Variants in PCDHGA9 observed in about 807,000 individuals in gnomAD.
PCDHGA9 encodes protocadherin gamma subfamily A, 9, also known as protocadherin gamma-A9.
A neutral mutation model predicts 62.5 loss-of-function variants in PCDHGA9; 37 were observed. That is an observed-to-expected ratio of 0.59 (90% CI 0.46 to 0.78). PCDHGA9 has a LOEUF of 0.78. PCDHGA9 is among the 30% of genes least tolerant of loss of function. PCDHGA9 has a pLI of 0.00. For synonymous variants in PCDHGA9, 459 were observed against 484.6 expected, an observed-to-expected ratio of 0.95 and a Z score of 0.69; for missense variants, 1,138 against 1,166.2, an observed-to-expected ratio of 0.98 and a Z score of 0.35.
rs776975666 is a variant in PCDHGA9 at position 141,432,850 on chromosome 5, G to A, written c.2424+27474G>A. The A allele has an allele frequency of 6.2e-7, 1 of 1,614,170 alleles. No homozygotes were observed. The highest frequency in any genetic ancestry group is 1.1e-5 in the South Asian group (1 of 91,088). ...TCACTCTGTACCTGGTGGTAGCGGT[G>A]GCCGCGGTCTCCTGCGTCTTCCTGG... is the stretch of plus-strand genomic sequence containing the variant. On this transcript the variant is annotated intron_variant, in intron 1 of 3. Coordinates refer to ENST00000573521, the MANE Select transcript of PCDHGA9 (RefSeq NM_018921.3). The surrounding 1 kb of genome is among the most constrained non-coding windows in gnomAD (Gnocchi z 6.0).
Position 141,476,369 on chromosome 5 carries a change from G to A in PCDHGA9, c.2425-18438G>A, listed in dbSNP as rs1178923246. 1.9e-6 allele frequency: 3 copies of A among 1,614,098 alleles called. No homozygotes were observed. The African/African-American group carries it at 4.0e-5, about 22-fold the overall frequency. ...CTTTGAGGTGAACCGGGAGACCGGA[G>A]AGATGTTTGTGAACGACCGTCTGGA... On this transcript the variant is annotated intron_variant, in intron 1 of 3. Transcript: ENST00000573521. This position sits in a 1 kb window ranked among gnomAD's most constrained non-coding sequence, Gnocchi z 7.6.
At chr5:141,430,774 A>G (rs1269572813) in intron 1 of PCDHGA9, 11 of 1,508,872 alleles carry the variant, frequency 7.3e-6, no homozygotes, top group Non-Finnish European at 8.8e-7. Context: ...TTCCTGCGCG[A>G]CTGCACCGGG....
intron 1 of PCDHGA9, chr5:141,441,809 C>A: frequency 2.7e-6 from 1 of 373,176 alleles, no homozygotes; most frequent in East Asian, 9.0e-5. Context: ...GGGTGCTGTA[C>A]CCCAGCTCTG....
chr5:141,509,602 C>T (rs921950654), intron 3 of PCDHGA9, among the ~76,000 whole-genome samples: 8 of 152,194 alleles, frequency 5.3e-5, no homozygotes, highest in Non-Finnish European at 8.8e-5. Context: ...TTCCGAGAGG[C>T]TGCATTCTAA....
At chr5:141,465,742 A>G (rs1425097489) in intron 1 of PCDHGA9, among the ~76,000 whole-genome samples, 1 of 151,214 alleles carries the variant, frequency 6.6e-6, no homozygotes, top group Non-Finnish European at 1.5e-5. Flanking sequence ...TGTTTTCAGG[A>G]TCAGACTGGT....
chr5:141,421,597 AT>A (rs2096587022), intron 1 of PCDHGA9: 1 of 1,613,878 alleles, frequency 6.2e-7, no homozygotes, highest in Non-Finnish European at 8.5e-7. Flanking sequence ...GGAGGTGGAA[AT>A]AATAGATATT....
intron 1 of PCDHGA9, 143 bp from the exon 2 acceptor site, chr5:141,494,664 A>T: frequency 6.7e-7 from 1 of 1,500,298 alleles, no homozygotes; most frequent in Non-Finnish European, 8.9e-7. Flanking sequence ...GTCTTTGGAG[A>T]TGAGTCCACC....
chr5:141,495,077 C>T (rs1237589417), intron 2 of PCDHGA9, among the ~76,000 whole-genome samples: 4 of 152,180 alleles, frequency 2.6e-5, no homozygotes, highest in African/African-American at 9.7e-5. Flanking sequence ...AATTCACATG[C>T]TTGCCCCTTC....
At chr5:141,456,647 C>G (rs773458307) in intron 1 of PCDHGA9, among the ~76,000 whole-genome samples, 2 of 152,152 alleles carry the variant, frequency 1.3e-5, no homozygotes, top group African/African-American at 4.8e-5. Context: ...AGGTGTTAAT[C>G]CCAAAGAAGC....
chr5:141,449,994 G>T (rs2098661673), intron 1 of PCDHGA9, among the ~76,000 whole-genome samples: 2 of 131,786 alleles, frequency 1.5e-5, no homozygotes, highest in Admixed American at 7.9e-5. Context: ...ATTGCATTTA[G>T]TTGCCATGTC....
At position 141,476,124 on chromosome 5, in the gene PCDHGA9, C is replaced by T. The variant is rs1187643558; in HGVS notation, c.2425-18683C>T. 4 of 1,603,236 alleles carry T rather than the reference C, an allele frequency of 2.5e-6. No homozygotes were observed. Among genetic ancestry groups the T allele is most frequent in the Non-Finnish European group, 3.4e-6 (4 of 1,176,388 alleles). ...GAACTGCTTTTGAGTGAGATGGTCCCAGAGGCCTGGAGGAGCGGACTGGTA... is the reference window on the plus strand; with the variant it reads ...GAACTGCTTTTGAGTGAGATGGTCCTAGAGGCCTGGAGGAGCGGACTGGTA... On this transcript the variant is annotated intron_variant, in intron 1 of 3. Transcript: ENST00000573521. This position sits in a 1 kb window ranked among gnomAD's most constrained non-coding sequence, Gnocchi z 7.6.
chr5:141,417,211 T>C (rs1027777607), intron 1 of PCDHGA9: 1 of 152,174 alleles, frequency 6.6e-6, no homozygotes, highest in Admixed American at 6.5e-5. Context: ...TAGGCTAGAA[T>C]TGAAGACAAA....
intron 1 of PCDHGA9, among the ~76,000 whole-genome samples, chr5:141,454,796 A>AT (rs61612330): frequency 0.026 from 2,045 of 77,400 alleles, 387 homozygotes; most frequent in East Asian, 0.04. Flanking sequence ...CATGGTTCTA[A>AT]TTTTTTTTTT....
At position 141,405,145 on chromosome 5, in the gene PCDHGA9, G is replaced by T. The variant is rs772542898; in HGVS notation, c.2193G>T (p.Gly731=). 6.2e-7 allele frequency: 1 copy of T among 1,614,070 alleles called. No homozygotes were observed. The highest frequency in any genetic ancestry group is 8.5e-7 in the Non-Finnish European group (1 of 1,179,926). The change falls in exon 1 of 4, where the codon GGG becomes GGT. Residue 731 remains glycine (G), a synonymous_variant. Transcript: ENST00000573521. ...ATCTGCTGCGGGCTACCAGTGATGGGTTGGCTGGTGTGCCCACCTCACACT... is the reference window on the plus strand; with the variant it reads ...ATCTGCTGCGGGCTACCAGTGATGGTTTGGCTGGTGTGCCCACCTCACACT... The part of the protein sequence containing the change: ...SSHLLRATSD[G]LAGVPTSHFV...
rs1303990777 is a variant in PCDHGA9 at position 141,403,530 on chromosome 5, AG to A, written c.579del (p.Glu193AspfsTer38). ...GGAGACAATGGAGCCATAAACCCAGAGCTGGTGCTGGAGCGCGCCCTGGACA... is the reference window on the plus strand; with the variant it reads ...GGAGACAATGGAGCCATAAACCCAGACTGGTGCTGGAGCGCGCCCTGGACA... Reference protein sequence around the residue: ...QTGDNGAINPELVLERALDRE... With the variant: ...QTGDNGAINPXLVLERALDRE... On this transcript the variant is annotated frameshift_variant, in exon 1 of 4. Coordinates refer to ENST00000573521, the MANE Select transcript of PCDHGA9 (RefSeq NM_018921.3). LOFTEE classifies it high-confidence loss of function. The A allele has an allele frequency of 1.2e-6, 2 of 1,613,988 alleles. No individual in the cohort carries two copies.
chr5:141,461,371 G>C (rs755281402), intron 1 of PCDHGA9, among the ~76,000 whole-genome samples: 1 of 152,084 alleles, frequency 6.6e-6, no homozygotes, highest in Non-Finnish European at 1.5e-5. Context: ...GTTTTAATTT[G>C]CATTTTCCTG....
chr5:141,423,488 ATTC>A, intron 1 of PCDHGA9: 1 of 1,613,954 alleles, frequency 6.2e-7, no homozygotes, highest in Non-Finnish European at 8.5e-7. Flanking sequence ...CTGCAAACCT[ATTC>A]CCACGAGGTC....
chr5:141,497,702 G>A (rs904199928), intron 2 of PCDHGA9, among the ~76,000 whole-genome samples: 16 of 152,054 alleles, frequency 1.1e-4, no homozygotes, highest in African/African-American at 3.9e-4. Context: ...ACCACACCCA[G>A]CTCATTTTTG....
Position 141,490,965 on chromosome 5 carries a change from C to G in PCDHGA9, c.2425-3842C>G. On this transcript the variant is annotated intron_variant, in intron 1 of 3. Coordinates refer to ENST00000573521, the MANE Select transcript of PCDHGA9 (RefSeq NM_018921.3). This position sits in a 1 kb window ranked among gnomAD's most constrained non-coding sequence, Gnocchi z 5.4. ...CACGGCCAGACTGGGAACACTCAGC[C>G]CCCCAGCGTCTCCCTCGCTCTGCTC... is the stretch of plus-strand genomic sequence containing the variant. 5 of 1,613,856 alleles carry G rather than the reference C, an allele frequency of 3.1e-6. No homozygotes were observed. The highest frequency in any genetic ancestry group is 3.3e-4 in the Middle Eastern group (2 of 6,062).
Sources: gnomAD v4.1 joint callset for allele counts (sites outside exome capture counted in the v4.1 genomes callset) on GRCh38, gnomAD v4.1.1 for gene constraint, Gnocchi (gnomAD v3.1) non-coding constraint, MANE v1.5 for transcripts, NCBI Gene and HGNC (gene_info 2026-07-23, HGNC 2026-07-21) for gene names.